Variants in NRG1 observed in about 807,000 individuals in gnomAD.
NRG1 encodes the protein pro-neuregulin-1, membrane-bound isoform.
NRG1 carries 18 observed loss-of-function variants against 63.8 expected under a neutral mutation model. That is an observed-to-expected ratio of 0.28 (90% CI 0.19 to 0.42). NRG1 has a LOEUF of 0.42. Ranked by LOEUF, NRG1 falls within the 10% of genes least tolerant of loss-of-function variation. The probability of loss-of-function intolerance (pLI) is 1.00; values close to 1 mark genes in which losing one functional copy is unlikely to be tolerated. For missense variants in NRG1, 762 were observed against 814.7 expected (o/e 0.94, Z 0.79); for synonymous variants, 302 against 301.3 (o/e 1.00, Z -0.02).
intron 1 of NRG1, among the ~76,000 whole-genome samples, chr8:31,716,172 C>G (rs961039396): frequency 5.9e-5 from 9 of 152,134 alleles, no homozygotes; most frequent in African/African-American, 2.2e-4. Context: ...GAGAGATTGT[C>G]CTCTGGAGCA....
In NRG1 at chr8:32,725,464, A is replaced by ATTTTTTTTTTTTTT. The variant is rs71209904; in HGVS notation, c.503-2469_503-2456dup. ...TTTAACATTCGAGGCAAACTTCCTA[A>ATTTTTTTTTTTTTT]TTTTTTTTTTTTTTTTTTTTTTTTT... On this transcript the variant is annotated intron_variant, in intron 5 of 11. Transcript: ENST00000356819. 5.6e-4 allele frequency among the ~76,000 whole-genome samples: 38 copies of ATTTTTTTTTTTTTT among 67,580 alleles called. 5 individuals carry two copies. In the East Asian group the frequency reaches 7.6e-3, roughly 14 times the overall value. 44.3% of individuals were successfully genotyped at this position (67,580 alleles called of 152,430 possible).
chr8:32,423,843 C>T (rs144678271), intron 1 of NRG1, among the ~76,000 whole-genome samples: 81 of 152,228 alleles, frequency 5.3e-4, no homozygotes, highest in African/African-American at 1.9e-3. Flanking sequence ...AGATTATCTA[C>T]TCTAAGTTTT....
intron 1 of NRG1, among the ~76,000 whole-genome samples, chr8:31,791,323 C>T (rs923252060): frequency 5.3e-5 from 8 of 151,860 alleles, no homozygotes; most frequent in African/African-American, 1.5e-4. Context: ...TTTGTAAGGA[C>T]GTAGTACCTA....
upstream of NRG1, among the ~76,000 whole-genome samples, chr8:32,544,672 T>G (rs1458264889): frequency 6.9e-6 from 1 of 145,528 alleles, no homozygotes; most frequent in Non-Finnish European, 1.5e-5. Context: ...CTGGCTAATT[T>G]TTGTATCTTT....
chr8:32,740,190 C>CTTTTTT (rs35219061), intron 6 of NRG1, among the ~76,000 whole-genome samples: 9 of 92,514 alleles, frequency 9.7e-5, no homozygotes, highest in African/African-American at 2.1e-4. Flanking sequence ...GACCCAACCT[C>CTTTTTT]TTTTTTTTTT....
chr8:31,984,017 T>C lies in NRG1; in HGVS notation c.37+344586T>C, dbSNP rs536541497. 3.3e-5 allele frequency among the ~76,000 whole-genome samples: 5 copies of C among 152,256 alleles called. No homozygotes were observed. In the South Asian group the frequency reaches 6.2e-4, roughly 19 times the overall value. On this transcript the variant is annotated intron_variant, in intron 1 of 10. Transcript: ENST00000519301. ...AGGCTGTCAAAGTGGGCAGAAGTCATGTTCAGAAGAGTTTTACATTCAAAT... is the reference window on the plus strand; with the variant it reads ...AGGCTGTCAAAGTGGGCAGAAGTCACGTTCAGAAGAGTTTTACATTCAAAT...
intron 1 of NRG1, among the ~76,000 whole-genome samples, chr8:31,792,422 G>T (rs1820805967): frequency 2.6e-5 from 4 of 152,118 alleles, no homozygotes; most frequent in Admixed American, 2.6e-4. Flanking sequence ...CAAAGAAACA[G>T]AACAGAAAAA....
At chr8:32,760,596 C>T (rs969827702) in intron 11 of NRG1, 190 bp downstream of exon 11, 43 of 1,394,622 alleles carry the variant, frequency 3.1e-5, no homozygotes, top group Admixed American at 1.8e-4. Context: ...GAGCTTCTCT[C>T]GTCGTCCCAG....
At chr8:32,715,641 CT>C (rs34392932) in intron 5 of NRG1, among the ~76,000 whole-genome samples, 115,483 of 126,716 alleles carry the variant, frequency 0.91, 52,709 homozygotes, top group Middle Eastern at 0.97. Context: ...AAATCAGGCC[CT>C]TTTTTTTTTT....
chr8:32,242,054 T>C (rs1331195503), intron 1 of NRG1, among the ~76,000 whole-genome samples: 1 of 152,136 alleles, frequency 6.6e-6, no homozygotes, highest in Non-Finnish European at 1.5e-5. Context: ...CACCAGGCAT[T>C]GTTTCTATTT....
At chr8:31,688,133 C>T (rs67179534) in intron 1 of NRG1, among the ~76,000 whole-genome samples, 15,322 of 152,264 alleles carry the variant, frequency 0.1, 876 homozygotes, top group Middle Eastern at 0.15. Context: ...CTGTATTCAA[C>T]AGGGCAATGG....
chr8:32,067,096 G>A (rs575611579), intron 1 of NRG1, among the ~76,000 whole-genome samples: 26 of 152,204 alleles, frequency 1.7e-4, no homozygotes, highest in Admixed American at 9.8e-4. Context: ...GGGCTGAGAC[G>A]ATGGGGTTTT....
intron 1 of NRG1, among the ~76,000 whole-genome samples, chr8:32,560,275 G>T: frequency 1.3e-5 from 2 of 148,420 alleles, no homozygotes; most frequent in African/African-American, 2.5e-5. Context: ...ATTTTATTTT[G>T]GCACTCATGT....
At chr8:32,473,660 A>G (rs1206395885) in intron 1 of NRG1, among the ~76,000 whole-genome samples, 1 of 152,084 alleles carries the variant, frequency 6.6e-6, no homozygotes, top group Non-Finnish European at 1.5e-5. Context: ...CTGGGCTTCT[A>G]TCCTTATACT....
At chr8:32,229,618 AC>A (rs1846694054) in intron 1 of NRG1, among the ~76,000 whole-genome samples, 1 of 152,158 alleles carries the variant, frequency 6.6e-6, no homozygotes, top group African/African-American at 2.4e-5. Flanking sequence ...TCTTTAAAGC[AC>A]CGTCTGCCCT....
chr8:32,713,184 T>C (rs933434013), intron 5 of NRG1, among the ~76,000 whole-genome samples: 4 of 152,208 alleles, frequency 2.6e-5, no homozygotes, highest in Non-Finnish European at 4.4e-5. Flanking sequence ...AGATCCTTTG[T>C]TGCCATATTG....
intron 1 of NRG1, among the ~76,000 whole-genome samples, chr8:32,277,763 G>A (rs1351875309): frequency 2.6e-5 from 4 of 152,292 alleles, no homozygotes; most frequent in East Asian, 1.9e-4. Flanking sequence ...ATACCTGGGA[G>A]GGCCTTCCAT....
intron 6 of NRG1, among the ~76,000 whole-genome samples, chr8:32,729,219 T>C (rs569189811): frequency 1.3e-5 from 2 of 152,236 alleles, no homozygotes; most frequent in Non-Finnish European, 2.9e-5. Context: ...TATTTTGCCA[T>C]GCATTTTAAG....
chr8:31,724,114 T>G (rs1290199146), intron 1 of NRG1, among the ~76,000 whole-genome samples: 1 of 152,076 alleles, frequency 6.6e-6, no homozygotes, highest in African/African-American at 2.4e-5. Flanking sequence ...TAGCCGGGCA[T>G]GGTGGTTCAT....
Sources: gnomAD v4.1 joint callset for allele counts (sites outside exome capture counted in the v4.1 genomes callset) on GRCh38, gnomAD v4.1.1 for gene constraint, MANE v1.5 for transcripts, NCBI Gene and HGNC (gene_info 2026-07-23, HGNC 2026-07-21) for gene names.